PTPRD: variants seen among roughly 807,000 people sequenced by gnomAD.
PTPRD encodes the protein protein tyrosine phosphatase receptor type D, also known as receptor-type tyrosine-protein phosphatase delta.
PTPRD carries 34 observed loss-of-function variants against 214.5 expected under a neutral mutation model. That is an observed-to-expected ratio of 0.16 (90% CI 0.12 to 0.21). The LOEUF (loss-of-function observed/expected upper bound fraction) is 0.21, where lower values mean the gene tolerates loss of function less well. PTPRD is among the 10% of genes least tolerant of loss of function. PTPRD has a pLI of 1.00. For missense variants in PTPRD, 2,545 were observed against 2,398.7 expected, an observed-to-expected ratio of 1.06 and a Z score of -1.27; for synonymous variants, 1,128 against 845.7, an observed-to-expected ratio of 1.33 and a Z score of -5.79.
intron 3 of PTPRD, among the ~76,000 whole-genome samples, chr9:10,052,828 CCTCT>C (rs1354779578): frequency 1.3e-5 from 2 of 152,084 alleles, no homozygotes; most frequent in Non-Finnish European, 2.9e-5. Context: ...TTTACCTTTC[CCTCT>C]CTATTTCCCA....
At chr9:9,101,811 T>C (rs938771609) in intron 10 of PTPRD, among the ~76,000 whole-genome samples, 1 of 152,222 alleles carries the variant, frequency 6.6e-6, no homozygotes, top group African/African-American at 2.4e-5. Context: ...GGGAGAAAAT[T>C]ATTCCTTAAT....
At chr9:8,843,767 G>T (rs748467743) in intron 11 of PTPRD, among the ~76,000 whole-genome samples, 1 of 152,118 alleles carries the variant, frequency 6.6e-6, no homozygotes, top group Non-Finnish European at 1.5e-5. Flanking sequence ...CAAAGAGCAA[G>T]CAAAGGGTTG....
At position 10,111,463 on chromosome 9, in the gene PTPRD, C is replaced by T. The variant is rs182415801; in HGVS notation, c.-544-77673G>A. The stretch of plus-strand genomic sequence containing the variant: ...CCGTTTTAGCCGGGATGGTCTCGAT[C>T]TCCTGACCTCGTGATCCGCCCGCCT... On this transcript the variant is annotated intron_variant, in intron 3 of 45. Coordinates refer to ENST00000381196, the MANE Select transcript of PTPRD (RefSeq NM_002839.4). 6.2e-3 allele frequency among the ~76,000 whole-genome samples: 944 copies of T among 151,352 alleles called. 32 individuals are homozygous for T. Among genetic ancestry groups the T allele is most frequent in the Admixed American group, 0.048 (728 of 15,196 alleles).
chr9:8,353,486 G>A (rs1196752127), intron 39 of PTPRD, among the ~76,000 whole-genome samples: 1 of 152,194 alleles, frequency 6.6e-6, no homozygotes, highest in African/African-American at 2.4e-5. Context: ...AGGCTGGAGT[G>A]TGCTGGTGTG....
intron 17 of PTPRD, 150 bp downstream of exon 17, chr9:8,526,477 G>C: frequency 2.1e-6 from 1 of 475,184 alleles, no homozygotes; most frequent in East Asian, 3.3e-5. Context: ...CAATATGAGA[G>C]TCACTGATCA....
At chr9:10,404,394 C>G (rs1288509635) in intron 2 of PTPRD, among the ~76,000 whole-genome samples, 1 of 151,652 alleles carries the variant, frequency 6.6e-6, no homozygotes, top group Non-Finnish European at 1.5e-5. Flanking sequence ...CAGTTAAGAA[C>G]CCCTGCAGAG....
intron 14 of PTPRD, among the ~76,000 whole-genome samples, chr9:8,608,863 G>A (rs1170161707): frequency 6.6e-6 from 1 of 152,090 alleles, no homozygotes; most frequent in African/African-American, 2.4e-5. Context: ...CTCTACAATT[G>A]GGAAAGGATA....
intron 8 of PTPRD, among the ~76,000 whole-genome samples, chr9:9,573,863 C>T (rs796138436): frequency 2.6e-5 from 4 of 151,774 alleles, no homozygotes; most frequent in East Asian, 1.9e-4. Context: ...CTGTTATCTA[C>T]GATCATTTTA....
intron 4 of PTPRD, among the ~76,000 whole-genome samples, chr9:10,015,773 G>C (rs1352086571): frequency 6.6e-6 from 1 of 152,164 alleles, no homozygotes; most frequent in African/African-American, 2.4e-5. Flanking sequence ...CATTATCATA[G>C]TATCTTAAGA....
chr9:8,749,668 A>G (rs1183983282), intron 11 of PTPRD, among the ~76,000 whole-genome samples: 1 of 152,348 alleles, frequency 6.6e-6, no homozygotes. Flanking sequence ...ATTGTAAACC[A>G]TCTACATTAA....
rs534372570 is a variant in PTPRD at position 9,193,877 on chromosome 9, C to A, written c.-202-10514G>T. On this transcript the variant is annotated intron_variant, in intron 9 of 45. Coordinates refer to ENST00000381196, the MANE Select transcript of PTPRD (RefSeq NM_002839.4). ...CTAAATTTATTTTAAAATGTTTTTT[C>A]TCAATAATAAATTAACCTTAGATTA... 2.6e-5 allele frequency among the ~76,000 whole-genome samples: 4 copies of A among 152,086 alleles called. No homozygotes were observed. In the South Asian group the frequency reaches 8.3e-4, roughly 32 times the overall value.
At position 10,304,364 on chromosome 9, in the gene PTPRD, G is replaced by A. The variant is rs144245230; in HGVS notation, c.-545+36599C>T. Among the ~76,000 whole-genome samples, 794 of 152,228 alleles carry A rather than the reference G, an allele frequency of 5.2e-3. 8 individuals carry two copies. Among genetic ancestry groups the A allele is most frequent in the African/African-American group, 0.018 (748 of 41,550 alleles). Reference sequence around the variant, plus strand: ...TTGAAAACCGGCACAAGACAAGGATGCCCTCTCTCTCCACTCCTATTCAAC... The same window carrying A: ...TTGAAAACCGGCACAAGACAAGGATACCCTCTCTCTCCACTCCTATTCAAC... On this transcript the variant is annotated intron_variant, in intron 3 of 45. Coordinates refer to ENST00000381196, the MANE Select transcript of PTPRD (RefSeq NM_002839.4).
chr9:9,038,571 T>TC (rs1461926320), intron 10 of PTPRD, among the ~76,000 whole-genome samples: 2 of 140,480 alleles, frequency 1.4e-5, no homozygotes, highest in Non-Finnish European at 3.2e-5. Context: ...TTTTTTTTTT[T>TC]TGAGATGGAG....
chr9:10,412,448 T>C (rs879851173), intron 2 of PTPRD, among the ~76,000 whole-genome samples: 5 of 151,442 alleles, frequency 3.3e-5, no homozygotes, highest in African/African-American at 1.2e-4. Flanking sequence ...AAAAAAAGCT[T>C]AGGACCAGAT....
At chr9:10,538,239 AAAATAAATAAATAAAT>A (rs139133858) in intron 2 of PTPRD, among the ~76,000 whole-genome samples, 2,873 of 130,338 alleles carry the variant, frequency 0.022, 37 homozygotes, top group African/African-American at 0.036. Flanking sequence ...GCCTCATCAT[AAAATAAATAAATAAAT>A]AAATAAATAA....
In PTPRD at chr9:8,486,012, G is replaced by C. The variant is rs373434340; in HGVS notation, c.2805C>G (p.Val935=). Residue 935 remains valine (V), a synonymous_variant, in exon 28 of 46, where the codon GTC becomes GTG. Transcript: ENST00000381196. ...GGACAGGTGGTTGCCAAGATAACTG[G>C]ACGGAGGTTGAAGTGGTGCCTTCTG... is the stretch of plus-strand genomic sequence containing the variant. ...LHSEGTTSTS[V]QLSWQPPVLA... is the part of the protein sequence containing the mutation. The C allele has an allele frequency of 6.2e-7, 1 of 1,614,156 alleles. No individual in the cohort carries two copies. Among genetic ancestry groups the C allele is most frequent in the Non-Finnish European group, 8.5e-7 (1 of 1,180,018 alleles).
In PTPRD at chr9:9,882,854, G is replaced by A. The variant is rs1440412474; in HGVS notation, c.-368+55653C>T. 8.5e-5 allele frequency among the ~76,000 whole-genome samples: 13 copies of A among 152,226 alleles called. No individual in the cohort carries two copies. The South Asian group carries it at 2.7e-3, about 32-fold the overall frequency. The stretch of plus-strand genomic sequence containing the variant: ...AATGGGAAGTGTTTCGGCCACTGGG[G>A]TGAATCCCCTGTGAATGGCTTAGTG... On this transcript the variant is annotated intron_variant, in intron 5 of 45. Transcript: ENST00000381196.
At chr9:10,108,698 A>G (rs1194602190) in intron 3 of PTPRD, among the ~76,000 whole-genome samples, 1 of 152,102 alleles carries the variant, frequency 6.6e-6, no homozygotes, top group Admixed American at 6.6e-5. Flanking sequence ...CACAATAGTC[A>G]AGCTATGGAA....
rs181382916 is a variant in PTPRD, at chr9:9,595,210, A to G, written c.-286-20429T>C. Among the ~76,000 whole-genome samples, 895 of 150,598 alleles carry G rather than the reference A, an allele frequency of 5.9e-3. 9 individuals are homozygous for G. The highest frequency in any genetic ancestry group is 0.021 in the African/African-American group (861 of 41,048). On this transcript the variant is annotated intron_variant, in intron 7 of 45. Transcript: ENST00000381196. Reference sequence around the variant, plus strand: ...TTAAATAACTAAAAGTAGAACTACCATTTGATCCAGCAATCCCACTACTGG... The same window carrying G: ...TTAAATAACTAAAAGTAGAACTACCGTTTGATCCAGCAATCCCACTACTGG...
Sources: allele counts gnomAD v4.1 joint callset (sites outside exome capture counted in the v4.1 genomes callset), GRCh38; gene constraint gnomAD v4.1.1; transcripts MANE v1.5; gene names NCBI Gene and HGNC (gene_info 2026-07-23, HGNC 2026-07-21).